The following ALMS1 variants were observed in gnomAD, a reference collection of about 807,000 sequenced individuals.
ALMS1 encodes the protein ALMS1 centrosome and basal body associated protein.
In ALMS1, 271 loss-of-function variants were observed where a neutral mutation model predicts 352.2. The observed-to-expected ratio is 0.77, with a 90% confidence interval of 0.70 to 0.85. The LOEUF (loss-of-function observed/expected upper bound fraction) is 0.85, where lower values mean the gene tolerates loss of function less well. Among genes scored for constraint, ALMS1 ranks in the 40% least tolerant of loss-of-function variants. The pLI is 0.00. For missense variants in ALMS1, 5,445 were observed against 4,870.7 expected (o/e 1.12, Z -3.51); for synonymous variants, 1,865 against 1,761.2 (o/e 1.06, Z -1.48).
At chr2:73,462,765 TA>T (rs1672233940) in intron 9 of ALMS1, 1 of 152,070 alleles carries the variant, frequency 6.6e-6, no homozygotes. Flanking sequence ...GAGGAAGATC[TA>T]CCAAGCAAAT....
chr2:73,507,418 T>G (rs1365588064), intron 10 of ALMS1, among the ~76,000 whole-genome samples: 1 of 152,250 alleles, frequency 6.6e-6, no homozygotes, highest in Non-Finnish European at 1.5e-5. Context: ...TGGGCTTTTC[T>G]TGGTTGGTAG....
Position 73,453,106 on chromosome 2 carries a change from G to C in ALMS1, c.6579G>C (p.Glu2193Asp). 1 of 1,614,052 alleles carries C rather than the reference G, an allele frequency of 6.2e-7. No homozygotes were observed. Among genetic ancestry groups the C allele is most frequent in the Non-Finnish European group, 8.5e-7 (1 of 1,179,994 alleles). Residue 2193 changes from glutamate (E) to aspartate (D), a missense_variant, in exon 8 of 23, where the codon GAG becomes GAC. By Grantham distance (45) the Glu-to-Asp change is conservative. Coordinates refer to ENST00000613296, the MANE Select transcript of ALMS1 (RefSeq NM_001378454.1). ...TVPSGTYSHG[E>D]NHKLVSEHVQ... The stretch of plus-strand genomic sequence containing the variant: ...CCTCTGGTACTTACTCACATGGTGA[G>C]AATCACAAGCTTGTTTCAGAACATG...
chr2:73,553,427 A>G (rs1276545178), intron 13 of ALMS1, among the ~76,000 whole-genome samples: 1 of 152,224 alleles, frequency 6.6e-6, no homozygotes, highest in East Asian at 1.9e-4. Flanking sequence ...GAAGCCTGCA[A>G]GGAAAAAGTC....
chr2:73,467,797 C>G (rs940074952), intron 9 of ALMS1, among the ~76,000 whole-genome samples: 1 of 152,032 alleles, frequency 6.6e-6, no homozygotes, highest in African/African-American at 2.4e-5. Context: ...ACCTTGAAAG[C>G]TGTCACACAC....
chr2:73,420,010 G>T (rs1671253542), intron 3 of ALMS1, among the ~76,000 whole-genome samples: 3 of 152,194 alleles, frequency 2.0e-5, no homozygotes, highest in African/African-American at 4.8e-5. Flanking sequence ...TTTCTATGAT[G>T]TGGATTATTA....
chr2:73,475,449 T>A (rs1672563376), intron 9 of ALMS1, among the ~76,000 whole-genome samples: 2 of 152,104 alleles, frequency 1.3e-5, no homozygotes, highest in Admixed American at 6.6e-5. Flanking sequence ...ATTTATTGTG[T>A]TTTTTACCTA....
At chr2:73,468,093 T>A (rs967655317) in intron 9 of ALMS1, among the ~76,000 whole-genome samples, 1 of 151,962 alleles carries the variant, frequency 6.6e-6, no homozygotes, top group Admixed American at 6.6e-5. Flanking sequence ...ATATATTAAT[T>A]AAAAGGAAAC....
chr2:73,450,296 C>T lies in ALMS1; in HGVS notation c.3769C>T (p.His1257Tyr). 3.7e-6 allele frequency: 6 copies of T among 1,613,804 alleles called. No individual in the cohort carries two copies. The highest frequency in any genetic ancestry group is 5.1e-6 in the Non-Finnish European group (6 of 1,179,936). Residue 1257 changes from histidine to tyrosine, a missense_variant, in exon 8 of 23, where the codon CAT becomes TAT. By Grantham distance (83) the His-to-Tyr change is moderately conservative. Transcript: ENST00000613296. ...CTACCAACAGGTCTTGCCAGATAAT[C>T]ATCCAACTGAAGAGGCTCTGAAAAT... ...IFYQQVLPDN[H>Y]PTEEALKISV...
intron 15 of ALMS1, among the ~76,000 whole-genome samples, chr2:73,562,932 T>G (rs1357667763): frequency 2.0e-5 from 3 of 151,380 alleles, no homozygotes; most frequent in Non-Finnish European, 2.9e-5. Context: ...AGAGTTAAAA[T>G]TAAACTATAA....
chr2:73,391,324 C>T lies in ALMS1; in HGVS notation c.324+5132C>T, dbSNP rs199613354. Among the ~76,000 whole-genome samples, 40 of 106,410 alleles carry T rather than the reference C, an allele frequency of 3.8e-4. No homozygotes were observed. In the East Asian group the frequency reaches 4.8e-3, roughly 13 times the overall value. The allele number at this position is 106,410 out of a possible 152,430, so 69.8% of individuals were successfully genotyped here. On this transcript the variant is annotated intron_variant, in intron 1 of 22. Transcript: ENST00000613296. ...TTTTTTTTTTTTTGAGACGGAGTCTCGCTCTGTCACCCAGGCTGGAGTGCA... is the reference window on the plus strand; with the variant it reads ...TTTTTTTTTTTTTGAGACGGAGTCTTGCTCTGTCACCCAGGCTGGAGTGCA...
At chr2:73,585,222 A>G (rs1247346861) in intron 16 of ALMS1, among the ~76,000 whole-genome samples, 1 of 152,130 alleles carries the variant, frequency 6.6e-6, no homozygotes, top group African/African-American at 2.4e-5. Flanking sequence ...CATAATGGTT[A>G]TACTAGTTTA....
In ALMS1 at chr2:73,450,851, G is replaced by T. The variant is rs375842278; in HGVS notation, c.4324G>T (p.Val1442Phe). The change falls in exon 8 of 23, where the codon GTC becomes TTC. Residue 1442 changes from valine (V) to phenylalanine (F), a missense_variant. Val to Phe is a conservative substitution (Grantham distance 50). Transcript: ENST00000613296. ...GAAGCCTGGTAGTTTCTACCAACAGGTCTTGCCACATAGTCATCTACCTGA... is the reference window on the plus strand; with the variant it reads ...GAAGCCTGGTAGTTTCTACCAACAGTTCTTGCCACATAGTCATCTACCTGA... The part of the protein sequence containing the change: ...TEKPGSFYQQ[V>F]LPHSHLPEEA... 66 of 1,613,924 alleles carry T rather than the reference G, an allele frequency of 4.1e-5. No individual in the cohort carries two copies. The highest frequency in any genetic ancestry group is 5.5e-5 in the Non-Finnish European group (65 of 1,179,992).
intron 16 of ALMS1, among the ~76,000 whole-genome samples, chr2:73,589,264 T>C (rs1247188161): frequency 6.6e-6 from 1 of 152,196 alleles, no homozygotes; most frequent in East Asian, 1.9e-4. Context: ...AAATTTCTCA[T>C]TGACTTCTAT....
At chr2:73,498,383 C>T (rs1456518866) in intron 10 of ALMS1, among the ~76,000 whole-genome samples, 1 of 152,048 alleles carries the variant, frequency 6.6e-6, no homozygotes, top group Non-Finnish European at 1.5e-5. Flanking sequence ...GGGTACATCC[C>T]TTCAAGCATT....
At chr2:73,566,478 A>G (rs1674803322) in intron 15 of ALMS1, among the ~76,000 whole-genome samples, 1 of 152,232 alleles carries the variant, frequency 6.6e-6, no homozygotes, top group Non-Finnish European at 1.5e-5. Flanking sequence ...CAGGATGACA[A>G]GAGATTTCAT....
At chr2:73,429,256 G>T (rs1671453577) in intron 6 of ALMS1, among the ~76,000 whole-genome samples, 2 of 147,222 alleles carry the variant, frequency 1.4e-5, no homozygotes, top group African/African-American at 2.5e-5. Context: ...CTTTTTCTTG[G>T]TAGCAGCACA....
chr2:73,600,346 G>A (rs1332898868), intron 17 of ALMS1, among the ~76,000 whole-genome samples: 3 of 152,116 alleles, frequency 2.0e-5, no homozygotes, highest in African/African-American at 7.2e-5. Flanking sequence ...TTCCTTACCT[G>A]CGTGACTACC....
At chr2:73,604,593 C>G (rs544277587) in intron 21 of ALMS1, among the ~76,000 whole-genome samples, 1 of 152,214 alleles carries the variant, frequency 6.6e-6, no homozygotes, top group East Asian at 1.9e-4. Context: ...GAACTTTAAG[C>G]ATTCCTCTTG....
intron 15 of ALMS1, among the ~76,000 whole-genome samples, chr2:73,568,447 G>A (rs1182741106): frequency 6.6e-6 from 1 of 152,162 alleles, no homozygotes; most frequent in Non-Finnish European, 1.5e-5. Flanking sequence ...GTTCACTGCA[G>A]CATGCTTTGG....
Sources: allele counts gnomAD v4.1 joint callset (sites outside exome capture counted in the v4.1 genomes callset), GRCh38; gene constraint gnomAD v4.1.1; transcripts MANE v1.5; gene names NCBI Gene and HGNC (gene_info 2026-07-23, HGNC 2026-07-21).